Variants in JPT2 observed in about 807,000 individuals in gnomAD.
The protein encoded by JPT2 is Jupiter microtubule associated homolog 2.
In JPT2, 9 loss-of-function variants were observed where a neutral mutation model predicts 15.9. The observed-to-expected ratio is 0.57, with a 90% CI of 0.34 to 0.99. JPT2 has a LOEUF of 0.99. JPT2 is among the 50% of genes least tolerant of loss of function. The pLI, the probability that JPT2 is intolerant of heterozygous loss-of-function variation, is 0.02. For synonymous variants in JPT2, 95 were observed against 91.7 expected (o/e 1.04, Z -0.21); for missense variants, 267 against 252.1 (o/e 1.06, Z -0.40).
chr16:1,692,449 G>A (rs867357556), intron 3 of JPT2: 15 of 177,346 alleles, frequency 8.5e-5, no homozygotes, highest in South Asian at 5.1e-4. Flanking sequence ...TGACTGAAGC[G>A]TAGCTGACGC....
At chr16:1,681,054 C>CA (rs1326712186) in intron 1 of JPT2, among the ~76,000 whole-genome samples, 4 of 152,112 alleles carry the variant, frequency 2.6e-5, no homozygotes, top group Admixed American at 1.3e-4. Flanking sequence ...CCACAAAAGG[C>CA]AAAAAATAAT....
chr16:1,702,724 G>A (rs1266838992), downstream of JPT2, among the ~76,000 whole-genome samples: 2 of 152,172 alleles, frequency 1.3e-5, no homozygotes, highest in Non-Finnish European at 2.9e-5. Flanking sequence ...GTAATGTGTG[G>A]CTACAAAGTG....
chr16:1,683,826 T>C (rs112328295), intron 1 of JPT2, among the ~76,000 whole-genome samples: 83 of 152,310 alleles, frequency 5.4e-4, no homozygotes, highest in Middle Eastern at 3.4e-3. Context: ...CAGTGAGATC[T>C]AACCTCATAT....
intron 1 of JPT2, among the ~76,000 whole-genome samples, chr16:1,681,705 A>G (rs1034004809): frequency 7.9e-5 from 12 of 152,170 alleles, no homozygotes; most frequent in African/African-American, 2.9e-4. Context: ...GCTTTCCTCT[A>G]TCTACGGCGT....
In JPT2 at chr16:1,700,830, T is replaced by C. The variant is rs2037175692; in HGVS notation, c.*1832T>C. The C allele has an allele frequency of 6.6e-6, 1 of 152,332 alleles. No homozygotes were observed. The highest frequency in any genetic ancestry group is 6.5e-5 in the Admixed American group (1 of 15,292). The allele number at this position is 152,332 out of a possible 1,614,324, so 9.4% of individuals were successfully genotyped here. On this transcript the variant is annotated 3_prime_UTR_variant, in exon 5 of 5. Transcript: ENST00000248098. ...AGGAAGAAATAGGACGTGACGGTACTGGGCCCTGTGATTCTCCCAGCCCTT... is the reference window on the plus strand; with the variant it reads ...AGGAAGAAATAGGACGTGACGGTACCGGGCCCTGTGATTCTCCCAGCCCTT...
Position 1,690,261 on chromosome 16 carries a change from T to C in JPT2, c.194-1582T>C, listed in dbSNP as rs545190901. 2.6e-5 allele frequency: 4 copies of C among 152,344 alleles called. No homozygotes were observed. In the South Asian group the frequency reaches 8.3e-4, roughly 32 times the overall value. 9.4% of individuals were successfully genotyped at this position (152,344 alleles called of 1,614,324 possible). The stretch of plus-strand genomic sequence containing the variant: ...TCTCCACGCAAGCACACGTGGGCTC[T>C]TCATCCGGTTGCTTCTGTGGAGCAG... On this transcript the variant is annotated intron_variant, in intron 2 of 4. Coordinates refer to ENST00000248098, the MANE Select transcript of JPT2 (RefSeq NM_144570.3).
Position 1,699,469 on chromosome 16 carries a change from AT to A in JPT2, c.*472del, listed in dbSNP as rs2037166760. ...GGAGATCACGGCTGCTAAATCCAGC[AT>A]CCCCACTTCATTTTACCCCCAGCAT... On this transcript the variant is annotated 3_prime_UTR_variant, in exon 5 of 5. Coordinates refer to ENST00000248098, the MANE Select transcript of JPT2 (RefSeq NM_144570.3). 2.9e-6 allele frequency: 1 copy of A among 350,094 alleles called. No individual in the cohort carries two copies. The highest frequency in any genetic ancestry group is 5.7e-6 in the Non-Finnish European group (1 of 175,542). The allele number at this position is 350,094 out of a possible 1,614,324, so 21.7% of individuals were successfully genotyped here. A position where few individuals can be genotyped will look rare whatever the true frequency, so the allele number is the denominator to read the frequency against.
At chr16:1,697,567 GT>G (rs1457773187) in intron 3 of JPT2, among the ~76,000 whole-genome samples, 1 of 152,002 alleles carries the variant, frequency 6.6e-6, no homozygotes, top group African/African-American at 2.4e-5. Context: ...AATATTCGCA[GT>G]TTTGAGGGTG....
intron 1 of JPT2, chr16:1,683,487 T>C (rs1221997056): frequency 3.4e-6 from 5 of 1,483,200 alleles, no homozygotes; most frequent in Non-Finnish European, 4.5e-6. Flanking sequence ...TCTTTTTTTT[T>C]CTCCCTCCTC....
Position 1,698,098 on chromosome 16 carries a change from C to T in JPT2, c.385+238C>T, listed in dbSNP as rs1053531128. Among the ~76,000 whole-genome samples, 3 of 152,226 alleles carry T rather than the reference C, an allele frequency of 2.0e-5. No individual in the cohort carries two copies. The highest frequency in any genetic ancestry group is 7.2e-5 in the African/African-American group (3 of 41,472). On this transcript the variant is annotated intron_variant, in intron 4 of 4. Transcript: ENST00000248098. The surrounding 1 kb of genome is among the most constrained non-coding windows in gnomAD (Gnocchi z 4.9). ...AGGCCCAGGGCCATGGGGTCGTCTC[C>T]TAGAAGCTCATCTGTGTAGTGATGG...
At chr16:1,684,739 G>A (rs900202482) in intron 1 of JPT2, among the ~76,000 whole-genome samples, 8 of 151,172 alleles carry the variant, frequency 5.3e-5, no homozygotes, top group Non-Finnish European at 7.4e-5. Context: ...GTAAAACTCC[G>A]TCTCAAAAAA....
Position 1,698,567 on chromosome 16 carries a change from A to C in JPT2, c.386-244A>C, listed in dbSNP as rs2037158903. 6.6e-6 allele frequency among the ~76,000 whole-genome samples: 1 copy of C among 152,246 alleles called. No homozygotes were observed. Among genetic ancestry groups the C allele is most frequent in the South Asian group, 2.1e-4 (1 of 4,838 alleles). On this transcript the variant is annotated intron_variant, in intron 4 of 4. Transcript: ENST00000248098. This position sits in a 1 kb window ranked among gnomAD's most constrained non-coding sequence, Gnocchi z 4.9. Reference sequence around the variant, plus strand: ...ATATAAAGAAACAATTCACTTAGGAAGAAATCAAGGAGTATTTACAGTAGC... The same window carrying C: ...ATATAAAGAAACAATTCACTTAGGACGAAATCAAGGAGTATTTACAGTAGC...
chr16:1,688,131 G>C (rs1338019941), intron 2 of JPT2, among the ~76,000 whole-genome samples: 1 of 152,220 alleles, frequency 6.6e-6, no homozygotes, highest in Admixed American at 6.5e-5. Context: ...TGTGCTAAGT[G>C]CTTTGCATGT....
chr16:1,681,684 G>C (rs1264189216), intron 1 of JPT2, among the ~76,000 whole-genome samples: 1 of 152,308 alleles, frequency 6.6e-6, no homozygotes, highest in East Asian at 1.9e-4. Flanking sequence ...GCTCCTCCGG[G>C]GTAAGGACTT....
At chr16:1,697,957 G>A in intron 4 of JPT2, 97 bp downstream of exon 4, 2 of 1,099,070 alleles carry the variant, frequency 1.8e-6, no homozygotes, top group Non-Finnish European at 1.4e-6. Context: ...GTCTTTCTTT[G>A]CACCTTCTGG....
In JPT2 at chr16:1,699,094, G is replaced by C. The variant is rs2037163681; in HGVS notation, c.*96G>C. 6 of 1,318,302 alleles carry C rather than the reference G, an allele frequency of 4.6e-6. No individual in the cohort carries two copies. In the East Asian group the frequency reaches 1.4e-4, roughly 30 times the overall value. The allele number at this position is 1,318,302 out of a possible 1,614,324, so 81.7% of individuals were successfully genotyped here. A position where few individuals can be genotyped will look rare whatever the true frequency, so the allele number is the denominator to read the frequency against. The stretch of plus-strand genomic sequence containing the variant: ...TTTGCCCAAATGAGCGGGGTGGGAA[G>C]AGGGTTAGTCTTATGTGAGCCTGGC... On this transcript the variant is annotated 3_prime_UTR_variant, in exon 5 of 5. Coordinates refer to ENST00000248098, the MANE Select transcript of JPT2 (RefSeq NM_144570.3).
Position 1,699,395 on chromosome 16 carries a change from C to T in JPT2, c.*397C>T. The T allele has an allele frequency of 4.7e-6, 2 of 423,428 alleles. No individual in the cohort carries two copies. Among genetic ancestry groups the T allele is most frequent in the Admixed American group, 2.6e-5 (1 of 38,882 alleles). The allele number at this position is 423,428 out of a possible 1,614,324, so 26.2% of individuals were successfully genotyped here. ...TGCTGTGGGATGGAGGAGGCGTAAG[C>T]AGAAACACTAACAGTATATTGACCT... On this transcript the variant is annotated 3_prime_UTR_variant, in exon 5 of 5. Coordinates refer to ENST00000248098, the MANE Select transcript of JPT2 (RefSeq NM_144570.3).
chr16:1,691,665 T>C (rs1206675839), intron 2 of JPT2, among the ~76,000 whole-genome samples, 178 bp from the exon 3 acceptor site: 1 of 151,976 alleles, frequency 6.6e-6, no homozygotes, highest in Non-Finnish European at 1.5e-5. Flanking sequence ...GCCATGGTTT[T>C]CAGGGGTTTC....
rs1041125065 is a variant in JPT2 at position 1,701,451 on chromosome 16, G to C, written c.*2453G>C. 5.9e-5 allele frequency: 9 copies of C among 152,204 alleles called. No individual in the cohort carries two copies. The highest frequency in any genetic ancestry group is 2.2e-4 in the African/African-American group (9 of 41,428). 9.4% of individuals were successfully genotyped at this position (152,204 alleles called of 1,614,324 possible). On this transcript the variant is annotated 3_prime_UTR_variant, in exon 5 of 5. Coordinates refer to ENST00000248098, the MANE Select transcript of JPT2 (RefSeq NM_144570.3). ...GAGCTTTTGCCTGTCAGTTGTGTGT[G>C]TCCCTTATAGTCCCTTCCCCCACAG...
Sources: gnomAD v4.1 joint callset for allele counts (sites outside exome capture counted in the v4.1 genomes callset) on GRCh38, gnomAD v4.1.1 for gene constraint, Gnocchi (gnomAD v3.1) non-coding constraint, MANE v1.5 for transcripts, NCBI Gene and HGNC (gene_info 2026-07-23, HGNC 2026-07-21) for gene names.